Variants in PITPNM2 observed in about 807,000 individuals in gnomAD.
PITPNM2 encodes phosphatidylinositol transfer protein membrane associated 2.
In PITPNM2, 35 loss-of-function variants were observed where a neutral mutation model predicts 132.2. The observed-to-expected ratio is 0.26, with a 90% CI of 0.20 to 0.35. PITPNM2 has a LOEUF of 0.35. Ranked by LOEUF, PITPNM2 falls within the 10% of genes least tolerant of loss-of-function variation. The pLI, the probability that PITPNM2 is intolerant of heterozygous loss-of-function variation, is 1.00. For synonymous variants in PITPNM2, 738 were observed against 799.2 expected (o/e 0.92, Z 1.29); for missense variants, 1,332 against 1,912.0 (o/e 0.70, Z 5.66).
intron 1 of PITPNM2, among the ~76,000 whole-genome samples, chr12:123,129,427 G>A (rs1193537026): frequency 6.6e-6 from 1 of 151,130 alleles, no homozygotes; most frequent in Non-Finnish European, 1.5e-5. Flanking sequence ...AAAATTAGCT[G>A]GGCATGGTGG....
intron 23 of PITPNM2, 100 bp from the exon 24 acceptor site, chr12:122,986,929 C>T (rs1017021160): frequency 7.3e-7 from 1 of 1,374,534 alleles, no homozygotes; most frequent in African/African-American, 1.4e-5. Flanking sequence ...GAAAGCACAT[C>T]TCTGATTGAG....
At chr12:123,013,371 A>G (rs1219464866) in intron 4 of PITPNM2, among the ~76,000 whole-genome samples, 3 of 152,224 alleles carry the variant, frequency 2.0e-5, no homozygotes, top group African/African-American at 4.8e-5. Flanking sequence ...AGGGAATCCC[A>G]AGGACAGCCC....
At chr12:123,087,804 AG>A (rs1015295855) in intron 2 of PITPNM2, 10 of 152,076 alleles carry the variant, frequency 6.6e-5, no homozygotes, top group Admixed American at 1.3e-4. Flanking sequence ...TTTTTTGCAG[AG>A]ACAGGGTCTC....
Position 123,022,305 on chromosome 12 carries a change from C to T in PITPNM2, c.79-8263G>A, listed in dbSNP as rs1349679634. Among the ~76,000 whole-genome samples the T allele has an allele frequency of 2.0e-5, 3 of 152,100 alleles. No homozygotes were observed. Among genetic ancestry groups the T allele is most frequent in the East Asian group, 1.9e-4 (1 of 5,200 alleles). ...TGTGCCTCTGATCAGGATGCGGCTGCGGAGGAAGGCCCTTTTCATAGCTAT... is the reference window on the plus strand; with the variant it reads ...TGTGCCTCTGATCAGGATGCGGCTGTGGAGGAAGGCCCTTTTCATAGCTAT... On this transcript the variant is annotated intron_variant, in intron 3 of 25. Transcript: ENST00000320201. The surrounding 1 kb of genome is among the most constrained non-coding windows in gnomAD (Gnocchi z 4.9).
intron 1 of PITPNM2, among the ~76,000 whole-genome samples, chr12:123,118,579 AACAG>A (rs1417024639): frequency 6.6e-6 from 1 of 152,226 alleles, no homozygotes; most frequent in Non-Finnish European, 1.5e-5. Context: ...CATGATGAGA[AACAG>A]ACATTGTGCT....
chr12:123,050,876 A>C (rs2040834489), intron 2 of PITPNM2, among the ~76,000 whole-genome samples: 1 of 152,200 alleles, frequency 6.6e-6, no homozygotes, highest in Non-Finnish European at 1.5e-5. Context: ...GAAGAAACGA[A>C]ACACAAAGGA....
intron 1 of PITPNM2, among the ~76,000 whole-genome samples, chr12:123,120,137 A>G (rs1287422831): frequency 6.6e-6 from 1 of 152,154 alleles, no homozygotes; most frequent in Non-Finnish European, 1.5e-5. Context: ...GTCAAATATG[A>G]ACCCGCAGAT....
In PITPNM2 at chr12:123,009,921, T is replaced by C; in HGVS notation, c.572A>G (p.Tyr191Cys). 1 of 1,614,188 alleles carries C rather than the reference T, an allele frequency of 6.2e-7. No homozygotes were observed. Among genetic ancestry groups the C allele is most frequent in the African/African-American group, 1.3e-5 (1 of 75,044 alleles). Residue 191 changes from tyrosine to cysteine, a missense_variant, in exon 6 of 26, where the codon TAC becomes TGC. Physicochemically the swap from Tyr to Cys is radical, Grantham distance 194 (BLOSUM62 -2). This residue lies in a region of PITPNM2 where 122 missense variants were observed against 209.6 expected (regional missense o/e 0.58). Transcript: ENST00000320201. This position sits in a 1 kb window ranked among gnomAD's most constrained non-coding sequence, Gnocchi z 4.8. Reference protein sequence around the residue: ...KKQVFPIMCAYKLCKVEFRYW... With the variant: ...KKQVFPIMCACKLCKVEFRYW... ...GCGGAACTCCACCTTGCAGAGCTTGTATGCGCACATGATGGGGAAGACCTG... is the reference window on the plus strand; with the variant it reads ...GCGGAACTCCACCTTGCAGAGCTTGCATGCGCACATGATGGGGAAGACCTG...
chr12:122,995,283 A>G, intron 14 of PITPNM2, 106 bp downstream of exon 14: 3 of 1,455,606 alleles, frequency 2.1e-6, no homozygotes, highest in Non-Finnish European at 2.7e-6. Flanking sequence ...GGGGAACCTC[A>G]GGCAGACAGC....
intron 2 of PITPNM2, among the ~76,000 whole-genome samples, chr12:123,060,947 T>C (rs983567772): frequency 2.6e-5 from 4 of 152,124 alleles, no homozygotes; most frequent in Non-Finnish European, 5.9e-5. Flanking sequence ...CACCTATGCA[T>C]CCCTACTCGC....
At chr12:123,001,021 C>T in intron 9 of PITPNM2, 33 bp downstream of exon 9, 1 of 1,597,960 alleles carries the variant, frequency 6.3e-7, no homozygotes. Flanking sequence ...AACCGCCCTC[C>T]CCAGGCTCTG....
Position 122,996,820 on chromosome 12 carries a change from G to A in PITPNM2, c.1563C>T (p.Ser521=). The change falls in exon 12 of 26, where the codon TCC becomes TCT. Residue 521 remains serine (S), a synonymous_variant. Transcript: ENST00000320201. ...LAALPLLATS[S]PQYQEAVATV... Reference sequence around the variant, plus strand: ...TGGCAACTGCCTCCTGGTACTGGGGGGAGGAGGTGGCCAGCAGGGGGAGGG... The same window carrying A: ...TGGCAACTGCCTCCTGGTACTGGGGAGAGGAGGTGGCCAGCAGGGGGAGGG... The A allele has an allele frequency of 6.2e-7, 1 of 1,602,172 alleles. No individual in the cohort carries two copies. Among genetic ancestry groups the A allele is most frequent in the Non-Finnish European group, 8.5e-7 (1 of 1,177,008 alleles).
chr12:123,076,549 G>C (rs1008105169), intron 2 of PITPNM2, among the ~76,000 whole-genome samples: 3 of 152,208 alleles, frequency 2.0e-5, no homozygotes, highest in Admixed American at 2.0e-4. Context: ...GTGCTCATGA[G>C]GCTGAAGTCC....
At position 123,009,203 on chromosome 12, in the gene PITPNM2, C is replaced by A. The variant is rs1007230492; in HGVS notation, c.643+647G>T. On this transcript the variant is annotated intron_variant, in intron 6 of 25. Coordinates refer to ENST00000320201, the MANE Select transcript of PITPNM2 (RefSeq NM_020845.3). This position sits in a 1 kb window ranked among gnomAD's most constrained non-coding sequence, Gnocchi z 4.8. ...CTTTTGGGTCATGGGCCTCAGGGACCGGAACCAGCTCTTGGAATGACATCA... is the reference window on the plus strand; with the variant it reads ...CTTTTGGGTCATGGGCCTCAGGGACAGGAACCAGCTCTTGGAATGACATCA... Among the ~76,000 whole-genome samples the A allele has an allele frequency of 6.6e-6, 1 of 152,158 alleles. No homozygotes were observed.
At chr12:123,080,071 G>A (rs746582199) in intron 2 of PITPNM2, among the ~76,000 whole-genome samples, 4 of 152,130 alleles carry the variant, frequency 2.6e-5, no homozygotes, top group Non-Finnish European at 5.9e-5. Context: ...TCCTGTTTTC[G>A]AGGTCCATCC....
At chr12:123,014,153 C>A in intron 3 of PITPNM2, 111 bp from the exon 4 acceptor site, 1 of 1,162,346 alleles carries the variant, frequency 8.6e-7, no homozygotes, top group South Asian at 1.4e-5. Flanking sequence ...GGGCTTTGGT[C>A]AACGAGGCTG....
intron 2 of PITPNM2, among the ~76,000 whole-genome samples, chr12:123,096,766 C>T (rs1419898991): frequency 6.6e-6 from 1 of 152,180 alleles, no homozygotes; most frequent in Non-Finnish European, 1.5e-5. Context: ...AGGAGGGATC[C>T]AGGCAGGGCA....
intron 2 of PITPNM2, chr12:123,081,819 C>T (rs952184618): frequency 1.3e-5 from 2 of 152,384 alleles, no homozygotes; most frequent in Admixed American, 6.5e-5. Flanking sequence ...CTTCAAAGCC[C>T]AGACAGCAGG....
chr12:123,021,616 G>A, intron 3 of PITPNM2: 1 of 948,792 alleles, frequency 1.1e-6, no homozygotes, highest in Non-Finnish European at 1.3e-6. Flanking sequence ...TGCGGTGTCA[G>A]GTGAAGACCA....
Sources: allele counts gnomAD v4.1 joint callset (sites outside exome capture counted in the v4.1 genomes callset), GRCh38; gene constraint gnomAD v4.1.1; regional missense constraint gnomAD v4.1.1; non-coding constraint Gnocchi (gnomAD v3.1); transcripts MANE v1.5; gene names NCBI Gene and HGNC (gene_info 2026-07-23, HGNC 2026-07-21).